Variants in LRRC72 observed in about 807,000 individuals in gnomAD.
LRRC72 encodes the protein leucine-rich repeat-containing protein 72.
Under a neutral mutation model 35.8 loss-of-function variants are expected in LRRC72, and 41 were observed. That is an observed-to-expected ratio of 1.15 (90% CI 0.89 to 1.49). LRRC72 has a LOEUF of 1.49. LRRC72 is among the 40% of genes most tolerant of loss of function. LRRC72 has a pLI of 0.00. For synonymous variants in LRRC72, 118 were observed against 119.2 expected (o/e 0.99, Z 0.07); for missense variants, 389 against 330.7 (o/e 1.18, Z -1.37).
chr7:16,565,961 A>T (rs1486835287), intron 5 of LRRC72, among the ~76,000 whole-genome samples: 1 of 152,254 alleles, frequency 6.6e-6, no homozygotes, highest in Non-Finnish European at 1.5e-5. Flanking sequence ...AGTAGCCTCA[A>T]GACTCCAATA....
chr7:16,559,920 C>T (rs988994994), intron 5 of LRRC72, among the ~76,000 whole-genome samples: 1 of 151,346 alleles, frequency 6.6e-6, no homozygotes, highest in Non-Finnish European at 1.5e-5. Flanking sequence ...AAGCTTTCAA[C>T]TGGAGGCCCA....
At chr7:16,534,078 T>C (rs1283082992) in intron 2 of LRRC72, among the ~76,000 whole-genome samples, 2 of 152,234 alleles carry the variant, frequency 1.3e-5, no homozygotes, top group Non-Finnish European at 2.9e-5. Context: ...AGTTACCATT[T>C]CATCCAGCTG....
At chr7:16,550,347 G>A (rs963354050) in intron 3 of LRRC72, among the ~76,000 whole-genome samples, 3 of 152,002 alleles carry the variant, frequency 2.0e-5, no homozygotes, top group African/African-American at 7.3e-5. Flanking sequence ...GACAATATGG[G>A]GTATTTATTC....
chr7:16,542,321 CAA>C (rs1285492786), intron 3 of LRRC72, among the ~76,000 whole-genome samples: 2 of 152,172 alleles, frequency 1.3e-5, no homozygotes, highest in African/African-American at 4.8e-5. Flanking sequence ...AGGAATACAA[CAA>C]AAGGCTGAAT....
In LRRC72 at chr7:16,532,574, T is replaced by G. The variant is rs1229046655; in HGVS notation, c.164+6T>G. The G allele has an allele frequency of 6.5e-7, 1 of 1,534,810 alleles. No homozygotes were observed. The highest frequency in any genetic ancestry group is 8.8e-7 in the Non-Finnish European group (1 of 1,132,632). ...GAGCTGTTCCTTTCTAAAAAGTAAG[T>G]GTACTTAACATAAAAAATGAAAGAG... On this transcript the variant is annotated splice_donor_region_variant and intron_variant, in intron 2 of 8. Coordinates refer to ENST00000401542, the MANE Select transcript of LRRC72 (RefSeq NM_001195280.2).
At chr7:16,567,100 G>A (rs1782858511) in intron 6 of LRRC72, among the ~76,000 whole-genome samples, 1 of 152,144 alleles carries the variant, frequency 6.6e-6, no homozygotes, top group African/African-American at 2.4e-5. Context: ...TTGAGGAAAT[G>A]AAAGGATGTT....
At chr7:16,550,858 T>C (rs555378808) in intron 3 of LRRC72, among the ~76,000 whole-genome samples, 1 of 152,256 alleles carries the variant, frequency 6.6e-6, no homozygotes, top group Admixed American at 6.5e-5. Context: ...TATATTGTTA[T>C]GACAAAGTAT....
At chr7:16,555,083 A>T (rs1008778374) in intron 3 of LRRC72, among the ~76,000 whole-genome samples, 1 of 152,198 alleles carries the variant, frequency 6.6e-6, no homozygotes, top group African/African-American at 2.4e-5. Context: ...GCCAACAGGG[A>T]CACTCACCTT....
chr7:16,569,899 T>C (rs1459083817), intron 7 of LRRC72, among the ~76,000 whole-genome samples: 1 of 151,992 alleles, frequency 6.6e-6, no homozygotes, highest in Non-Finnish European at 1.5e-5. Flanking sequence ...GGTGCAGTGA[T>C]GGCACCTGTA....
intron 7 of LRRC72, among the ~76,000 whole-genome samples, chr7:16,574,864 C>G (rs1170924055): frequency 6.6e-6 from 1 of 151,642 alleles, no homozygotes; most frequent in African/African-American, 2.4e-5. Context: ...GCTTGTAATC[C>G]CAGCACTTTG....
intron 3 of LRRC72, among the ~76,000 whole-genome samples, chr7:16,542,084 TGTCCA>T (rs1326598523): frequency 1.3e-5 from 2 of 152,222 alleles, no homozygotes; most frequent in Admixed American, 6.5e-5. Flanking sequence ...TGTTCAGTGG[TGTCCA>T]GTTTGGAGGG....
intron 1 of LRRC72, among the ~76,000 whole-genome samples, chr7:16,531,293 A>G (rs990640691): frequency 2.6e-5 from 4 of 152,106 alleles, no homozygotes; most frequent in Admixed American, 1.3e-4. Context: ...GTGTAACTGG[A>G]TAACAAAGCA....
chr7:16,538,541 A>G (rs1782303311), intron 3 of LRRC72, among the ~76,000 whole-genome samples: 1 of 152,184 alleles, frequency 6.6e-6, no homozygotes, highest in Non-Finnish European at 1.5e-5. Flanking sequence ...CCCCAGGTCA[A>G]CGTACCTAGT....
At chr7:16,551,717 T>C (rs1340881118) in intron 3 of LRRC72, among the ~76,000 whole-genome samples, 2 of 151,944 alleles carry the variant, frequency 1.3e-5, no homozygotes, top group Non-Finnish European at 2.9e-5. Context: ...CCTTCCCCCA[T>C]ACCTTGCCCT....
chr7:16,536,021 T>TGCC (rs1235163589), intron 2 of LRRC72, among the ~76,000 whole-genome samples: 1 of 152,064 alleles, frequency 6.6e-6, no homozygotes, highest in Non-Finnish European at 1.5e-5. Flanking sequence ...TACAGGCATG[T>TGCC]GCCACCACAC....
At chr7:16,544,801 T>A (rs1782416455) in intron 3 of LRRC72, among the ~76,000 whole-genome samples, 1 of 152,192 alleles carries the variant, frequency 6.6e-6, no homozygotes, top group African/African-American at 2.4e-5. Context: ...ACATTTTGTC[T>A]CAGATGAAGA....
intron 7 of LRRC72, among the ~76,000 whole-genome samples, chr7:16,575,831 A>G (rs1270216992): frequency 6.6e-6 from 1 of 152,188 alleles, no homozygotes; most frequent in African/African-American, 2.4e-5. Flanking sequence ...AATGCACACA[A>G]TAACAAACAA....
chr7:16,562,683 G>A (rs1782763872), intron 5 of LRRC72, among the ~76,000 whole-genome samples: 2 of 152,184 alleles, frequency 1.3e-5, no homozygotes, highest in Non-Finnish European at 2.9e-5. Flanking sequence ...GGGAGCAGAG[G>A]GATTCTGGGA....
chr7:16,541,860 G>A (rs892340986), intron 3 of LRRC72, among the ~76,000 whole-genome samples: 2 of 152,166 alleles, frequency 1.3e-5, no homozygotes, highest in Admixed American at 6.5e-5. Flanking sequence ...GCAGTGAGCC[G>A]AGATTGTGCC....
Sources: allele counts gnomAD v4.1 joint callset (sites outside exome capture counted in the v4.1 genomes callset), GRCh38; gene constraint gnomAD v4.1.1; transcripts MANE v1.5; gene names NCBI Gene and HGNC (gene_info 2026-07-23, HGNC 2026-07-21).